The following SGCD variants were observed in gnomAD, a reference collection of about 807,000 sequenced individuals.
SGCD encodes the protein delta-sarcoglycan.
SGCD carries 18 observed loss-of-function variants against 36.6 expected under a neutral mutation model. The observed-to-expected ratio is 0.49, with a 90% CI of 0.34 to 0.73. The LOEUF (loss-of-function observed/expected upper bound fraction) is 0.73. Ranked by LOEUF, SGCD falls within the 30% of genes least tolerant of loss-of-function variation. The probability of loss-of-function intolerance (pLI) is 0.01; values close to 1 mark genes in which losing one functional copy is unlikely to be tolerated. For missense variants in SGCD, 387 were observed against 346.7 expected (o/e 1.12, Z -0.92); for synonymous variants, 133 against 130.6 (o/e 1.02, Z -0.12).
intron 2 of SGCD, among the ~76,000 whole-genome samples, chr5:156,121,401 T>A (rs1762037125): frequency 6.6e-6 from 1 of 152,104 alleles, no homozygotes; most frequent in Non-Finnish European, 1.5e-5. Context: ...TTAGAGAAGT[T>A]GATTATCTTG....
chr5:156,136,315 A>C (rs535904901), intron 3 of SGCD, among the ~76,000 whole-genome samples: 1 of 152,262 alleles, frequency 6.6e-6, no homozygotes, highest in Non-Finnish European at 1.5e-5. Flanking sequence ...GACTTGCCAA[A>C]TTGCTGAGGC....
the SGCD span, among the ~76,000 whole-genome samples, chr5:155,854,972 T>C: frequency 6.6e-6 from 1 of 152,140 alleles, no homozygotes; most frequent in Non-Finnish European, 1.5e-5. Context: ...TTACTCAAGG[T>C]GGGTGCCATG....
chr5:156,264,122 A>G (rs1765943085), intron 3 of SGCD, among the ~76,000 whole-genome samples: 1 of 152,136 alleles, frequency 6.6e-6, no homozygotes, highest in African/African-American at 2.4e-5. Flanking sequence ...CGTATATGTT[A>G]GAGAAGAAAG....
chr5:156,374,817 C>A (rs1770572775), intron 3 of SGCD, among the ~76,000 whole-genome samples: 1 of 152,078 alleles, frequency 6.6e-6, no homozygotes, highest in Non-Finnish European at 1.5e-5. Context: ...GACAGCATAC[C>A]AACACTCCAG....
chr5:156,246,238 T>C (rs1344354170), intron 3 of SGCD, among the ~76,000 whole-genome samples: 1 of 152,212 alleles, frequency 6.6e-6, no homozygotes, highest in Non-Finnish European at 1.5e-5. Flanking sequence ...TATTTTATGT[T>C]ATTTACATTT....
At chr5:156,306,817 G>A (rs563558329) in intron 3 of SGCD, among the ~76,000 whole-genome samples, 1 of 152,150 alleles carries the variant, frequency 6.6e-6, no homozygotes, top group Admixed American at 6.5e-5. Flanking sequence ...GTCCTATTTG[G>A]CCATCTTGCT....
intron 4 of SGCD, among the ~76,000 whole-genome samples, chr5:156,582,755 G>A (rs533662851): frequency 6.6e-5 from 10 of 152,164 alleles, no homozygotes; most frequent in East Asian, 1.9e-4. Context: ...ATTCAAGCCC[G>A]TCTCCCCACT....
chr5:156,516,390 G>T (rs953171612), intron 4 of SGCD, among the ~76,000 whole-genome samples: 4 of 152,180 alleles, frequency 2.6e-5, no homozygotes, highest in African/African-American at 9.7e-5. Flanking sequence ...TGCAGGAAAA[G>T]ACCCAGGAGT....
At chr5:156,508,878 G>A (rs576344332) in intron 4 of SGCD, among the ~76,000 whole-genome samples, 176 bp downstream of exon 4, 8 of 152,274 alleles carry the variant, frequency 5.3e-5, no homozygotes, top group Admixed American at 3.3e-4. Flanking sequence ...GGTACTGTAA[G>A]CAAGTGAGAT....
intron 3 of SGCD, among the ~76,000 whole-genome samples, chr5:156,200,259 A>G (rs1184432257): frequency 6.6e-6 from 1 of 152,100 alleles, no homozygotes; most frequent in African/African-American, 2.4e-5. Context: ...TCCTTGCTTC[A>G]ATACATACTG....
At chr5:156,337,885 C>A (rs10042069) in intron 2 of SGCD, among the ~76,000 whole-genome samples, 22,158 of 152,014 alleles carry the variant, frequency 0.15, 2,079 homozygotes, top group African/African-American at 0.26. Flanking sequence ...TGTAAGTCAA[C>A]TCTGTACTTT....
chr5:155,862,515 T>A, the SGCD span, among the ~76,000 whole-genome samples: 4 of 152,172 alleles, frequency 2.6e-5, no homozygotes, highest in Non-Finnish European at 5.9e-5. Flanking sequence ...ATTTTATTTT[T>A]TTGTAGAGAC....
chr5:156,041,329 A>G lies in SGCD; in HGVS notation c.-281-76549A>G, dbSNP rs375769934. On this transcript the variant is annotated intron_variant, in intron 1 of 9. Coordinates refer to the SGCD transcript ENST00000517913. ...TGTACTTCGGTCCAGTTCCTTCCTTACTGGGAAGATTATCCCATTCTCCTC... is the reference window on the plus strand; with the variant it reads ...TGTACTTCGGTCCAGTTCCTTCCTTGCTGGGAAGATTATCCCATTCTCCTC... Among the ~76,000 whole-genome samples, 26 of 152,330 alleles carry G rather than the reference A, an allele frequency of 1.7e-4. No individual in the cohort carries two copies. In the South Asian group the frequency reaches 5.4e-3, roughly 32 times the overall value.
chr5:156,492,924 T>C (rs1446457106), intron 3 of SGCD, among the ~76,000 whole-genome samples: 1 of 152,186 alleles, frequency 6.6e-6, no homozygotes, highest in African/African-American at 2.4e-5. Flanking sequence ...TAGTATTCCA[T>C]GGTGTATATG....
At chr5:156,432,388 G>A (rs1753059998) in intron 3 of SGCD, among the ~76,000 whole-genome samples, 1 of 152,228 alleles carries the variant, frequency 6.6e-6, no homozygotes, top group Non-Finnish European at 1.5e-5. Context: ...GCCTGAGTTG[G>A]TTGGCCTCCA....
chr5:155,768,090 T>G, the SGCD span, among the ~76,000 whole-genome samples: 5 of 152,080 alleles, frequency 3.3e-5, no homozygotes, highest in Non-Finnish European at 2.9e-5. Flanking sequence ...TACTGTTAGA[T>G]GATTTTCAGT....
chr5:156,036,645 T>G (rs546590790), intron 1 of SGCD, among the ~76,000 whole-genome samples: 1 of 152,320 alleles, frequency 6.6e-6, no homozygotes, highest in Non-Finnish European at 1.5e-5. Flanking sequence ...CTTTTTTTAC[T>G]TTCTTGCTTC....
intron 3 of SGCD, among the ~76,000 whole-genome samples, chr5:156,249,139 C>A (rs1333710799): frequency 6.6e-6 from 1 of 152,074 alleles, no homozygotes; most frequent in Admixed American, 6.6e-5. Flanking sequence ...GAAATCCAAG[C>A]CATGAATGGT....
chr5:155,861,038 A>G, the SGCD span, among the ~76,000 whole-genome samples: 19 of 152,168 alleles, frequency 1.2e-4, no homozygotes, highest in Non-Finnish European at 2.8e-4. Flanking sequence ...GCGTGCGTGC[A>G]CACACACACA....
Sources: gnomAD v4.1 joint callset for allele counts (sites outside exome capture counted in the v4.1 genomes callset) on GRCh38, gnomAD v4.1.1 for gene constraint, MANE v1.5 for transcripts, NCBI Gene and HGNC (gene_info 2026-07-23, HGNC 2026-07-21) for gene names.